Variants in RFX3 observed in about 807,000 individuals in gnomAD.
RFX3 encodes regulatory factor X3.
RFX3 carries 14 observed loss-of-function variants against 98.6 expected under a neutral mutation model. That is an observed-to-expected ratio of 0.14 (90% CI 0.09 to 0.22). RFX3 has a LOEUF of 0.22. RFX3 is among the 10% of genes least tolerant of loss of function. The pLI is 1.00. For synonymous variants in RFX3, 383 were observed against 328.4 expected (o/e 1.17, Z -1.80); for missense variants, 639 against 926.9 (o/e 0.69, Z 4.03).
chr9:3,339,284 TGAC>T (rs1312174219), intron 3 of RFX3, among the ~76,000 whole-genome samples: 2 of 152,200 alleles, frequency 1.3e-5, no homozygotes, highest in African/African-American at 4.8e-5. Flanking sequence ...TCACTTGCCC[TGAC>T]AACAGAGGTC....
At chr9:3,326,897 C>CATT (rs1831984879) in intron 4 of RFX3, among the ~76,000 whole-genome samples, 2 of 152,106 alleles carry the variant, frequency 1.3e-5, no homozygotes, top group Non-Finnish European at 2.9e-5. Flanking sequence ...TTACTGATAG[C>CATT]CCCCTAAGGA....
chr9:3,252,878 CAT>C (rs1225574026), intron 14 of RFX3, among the ~76,000 whole-genome samples: 2 of 152,118 alleles, frequency 1.3e-5, no homozygotes, highest in East Asian at 3.9e-4. Context: ...AAATTATTGT[CAT>C]ATGTTTAGAA....
intron 1 of RFX3, among the ~76,000 whole-genome samples, chr9:3,451,850 A>G (rs62526386): frequency 4.7e-5 from 7 of 149,920 alleles, no homozygotes; most frequent in South Asian, 2.1e-4. Flanking sequence ...TTTTTTTTTA[A>G]TATCTGCTAC....
chr9:3,314,416 A>T (rs1274013046), intron 4 of RFX3, among the ~76,000 whole-genome samples: 1 of 152,194 alleles, frequency 6.6e-6, no homozygotes, highest in Non-Finnish European at 1.5e-5. Flanking sequence ...CACTGCAAAA[A>T]CATGCCAGAT....
intron 1 of RFX3, among the ~76,000 whole-genome samples, chr9:3,506,340 G>A (rs960760517): frequency 6.6e-5 from 10 of 151,648 alleles, no homozygotes; most frequent in African/African-American, 2.4e-4. Flanking sequence ...CACTACTGTA[G>A]TAATTCCATT....
chr9:3,451,156 C>T (rs748039694), intron 1 of RFX3, among the ~76,000 whole-genome samples: 2 of 152,172 alleles, frequency 1.3e-5, no homozygotes, highest in African/African-American at 4.8e-5. Context: ...ACTAAAAGAG[C>T]TCTCAATGGC....
intron 15 of RFX3, chr9:3,247,141 A>G (rs1319396672): frequency 1.0e-6 from 1 of 985,438 alleles, no homozygotes; most frequent in African/African-American, 1.7e-5. Flanking sequence ...ATAATCTGGT[A>G]TGATTCGACA....
At chr9:3,244,566 A>T (rs475775) in intron 15 of RFX3, among the ~76,000 whole-genome samples, 136,441 of 152,186 alleles carry the variant, frequency 0.9, 61,634 homozygotes, top group South Asian at 0.96. Context: ...CTGTGCTCTC[A>T]CCCACCTCTG....
At chr9:3,448,398 C>T (rs1250913647) in intron 1 of RFX3, among the ~76,000 whole-genome samples, 1 of 152,140 alleles carries the variant, frequency 6.6e-6, no homozygotes, top group Non-Finnish European at 1.5e-5. Context: ...AATTCCATTT[C>T]GACCTTTACA....
In RFX3 at chr9:3,328,831, T is replaced by A. The variant is rs917968022; in HGVS notation, c.474+1428A>T. Among the ~76,000 whole-genome samples, 26 of 152,272 alleles carry A rather than the reference T, an allele frequency of 1.7e-4. No homozygotes were observed. The East Asian group carries it at 4.8e-3, about 28-fold the overall frequency. ...TATAAAGCTTCTCATATTACTATTTTCTCCCCAATTTATTTCTATCTCTAT... is the reference window on the plus strand; with the variant it reads ...TATAAAGCTTCTCATATTACTATTTACTCCCCAATTTATTTCTATCTCTAT... On this transcript the variant is annotated intron_variant, in intron 4 of 16. Coordinates refer to ENST00000617270, the MANE Select transcript of RFX3 (RefSeq NM_001282116.2).
At chr9:3,450,218 C>T (rs1319655955) in intron 1 of RFX3, among the ~76,000 whole-genome samples, 1 of 152,178 alleles carries the variant, frequency 6.6e-6, no homozygotes, top group Non-Finnish European at 1.5e-5. Flanking sequence ...CCTTTAAAAC[C>T]TCTAAAAATG....
intron 1 of RFX3, among the ~76,000 whole-genome samples, chr9:3,431,966 C>T (rs1844692963): frequency 6.6e-6 from 1 of 152,148 alleles, no homozygotes; most frequent in Non-Finnish European, 1.5e-5. Context: ...ACCAACTCCA[C>T]TATTTGTGCA....
chr9:3,309,127 G>C (rs913225861), intron 4 of RFX3, among the ~76,000 whole-genome samples: 1 of 152,164 alleles, frequency 6.6e-6, no homozygotes, highest in African/African-American at 2.4e-5. Context: ...CTGTACGACA[G>C]AGAACGTCAT....
At chr9:3,264,651 T>C (rs953629668) in intron 12 of RFX3, among the ~76,000 whole-genome samples, 2 of 152,238 alleles carry the variant, frequency 1.3e-5, no homozygotes, top group Non-Finnish European at 2.9e-5. Flanking sequence ...TGCTCAAGGC[T>C]GCAAAGAAAC....
At chr9:3,345,712 T>C (rs1210768319) in intron 3 of RFX3, among the ~76,000 whole-genome samples, 1 of 152,018 alleles carries the variant, frequency 6.6e-6, no homozygotes, top group East Asian at 1.9e-4. Flanking sequence ...CAGAATTCTG[T>C]TTTTAGTTAT....
chr9:3,350,833 G>A (rs865784389), intron 2 of RFX3, among the ~76,000 whole-genome samples: 1 of 151,950 alleles, frequency 6.6e-6, no homozygotes, highest in African/African-American at 2.4e-5. Context: ...AGTGAAAGAA[G>A]GTAATCTGAA....
At chr9:3,349,566 T>C (rs1834848116) in intron 2 of RFX3, among the ~76,000 whole-genome samples, 1 of 152,114 alleles carries the variant, frequency 6.6e-6, no homozygotes, top group Admixed American at 6.6e-5. Flanking sequence ...CTGCTGCTTC[T>C]ATCTTACTTA....
chr9:3,233,328 T>G (rs538505814), intron 15 of RFX3, among the ~76,000 whole-genome samples: 33 of 152,302 alleles, frequency 2.2e-4, no homozygotes, highest in African/African-American at 7.7e-4. Flanking sequence ...TGAGGCCTAG[T>G]ATCTATACCT....
intron 2 of RFX3, among the ~76,000 whole-genome samples, chr9:3,348,244 C>G (rs549981288): frequency 6.6e-6 from 1 of 152,218 alleles, no homozygotes; most frequent in African/African-American, 2.4e-5. Flanking sequence ...GCTGTATAAA[C>G]TGGTATATGT....
Sources: gnomAD v4.1 joint callset for allele counts (sites outside exome capture counted in the v4.1 genomes callset) on GRCh38, gnomAD v4.1.1 for gene constraint, MANE v1.5 for transcripts, NCBI Gene and HGNC (gene_info 2026-07-23, HGNC 2026-07-21) for gene names.